Variants in CACNA2D3 observed in about 807,000 individuals in gnomAD.
CACNA2D3 encodes voltage-dependent calcium channel subunit alpha-2/delta-3.
Under a neutral mutation model 160.6 loss-of-function variants are expected in CACNA2D3, and 60 were observed. The observed-to-expected ratio is 0.37, with a 90% CI of 0.30 to 0.46. The LOEUF (loss-of-function observed/expected upper bound fraction) is 0.46. CACNA2D3 is among the 20% of genes least tolerant of loss of function. The probability of loss-of-function intolerance (pLI) is 1.00; values close to 1 mark genes in which losing one functional copy is unlikely to be tolerated. For missense variants in CACNA2D3, 1,205 were observed against 1,365.0 expected (o/e 0.88, Z 1.85); for synonymous variants, 558 against 492.9 (o/e 1.13, Z -1.75).
chr3:54,501,848 T>C (rs138733393), intron 4 of CACNA2D3, among the ~76,000 whole-genome samples: 3 of 152,348 alleles, frequency 2.0e-5, no homozygotes, highest in Non-Finnish European at 4.4e-5. Context: ...TTTGTTTGCC[T>C]GAGAAGGTCT....
chr3:54,520,325 G>A (rs909501667), intron 5 of CACNA2D3, among the ~76,000 whole-genome samples: 2 of 152,196 alleles, frequency 1.3e-5, no homozygotes, highest in African/African-American at 4.8e-5. Flanking sequence ...AGCAGTGGGA[G>A]GCTGGCTTTA....
intron 27 of CACNA2D3, among the ~76,000 whole-genome samples, chr3:54,968,101 C>G (rs1267263652): frequency 6.6e-6 from 1 of 151,920 alleles, no homozygotes; most frequent in Non-Finnish European, 1.5e-5. Flanking sequence ...GGAACTGAAG[C>G]AATAGTGATC....
At chr3:54,296,427 A>G (rs1180860309) in intron 2 of CACNA2D3, among the ~76,000 whole-genome samples, 1 of 152,120 alleles carries the variant, frequency 6.6e-6, no homozygotes, top group Non-Finnish European at 1.5e-5. Flanking sequence ...TCTGTTGGAG[A>G]AGGAAACTTA....
intron 9 of CACNA2D3, among the ~76,000 whole-genome samples, chr3:54,584,740 A>G (rs1702731738): frequency 6.6e-6 from 1 of 152,216 alleles, no homozygotes; most frequent in Non-Finnish European, 1.5e-5. Flanking sequence ...CATCATAAAT[A>G]TAATTAGACA....
chr3:54,311,891 G>A (rs1021143703), intron 2 of CACNA2D3, among the ~76,000 whole-genome samples: 3 of 152,058 alleles, frequency 2.0e-5, no homozygotes, highest in African/African-American at 7.2e-5. Flanking sequence ...TAAATGATTG[G>A]GTTAATGAAT....
chr3:54,561,086 A>T (rs777433432), intron 5 of CACNA2D3, among the ~76,000 whole-genome samples: 52 of 152,328 alleles, frequency 3.4e-4, no homozygotes, highest in Non-Finnish European at 6.5e-4. Context: ...ATATGAATTT[A>T]AAAATAGTTT....
At chr3:54,601,567 C>T (rs767402382) in intron 9 of CACNA2D3, among the ~76,000 whole-genome samples, 1 of 152,100 alleles carries the variant, frequency 6.6e-6, no homozygotes, top group Non-Finnish European at 1.5e-5. Flanking sequence ...CAGAACCTCT[C>T]AGCCTGGAGG....
intron 11 of CACNA2D3, among the ~76,000 whole-genome samples, chr3:54,748,349 C>T (rs1358833010): frequency 6.6e-6 from 1 of 152,100 alleles, no homozygotes; most frequent in Non-Finnish European, 1.5e-5. Flanking sequence ...GGGATTGCTT[C>T]TATGTGAGTA....
chr3:54,932,367 G>A (rs1255014634), intron 27 of CACNA2D3, among the ~76,000 whole-genome samples: 1 of 152,126 alleles, frequency 6.6e-6, no homozygotes, highest in Non-Finnish European at 1.5e-5. Flanking sequence ...TGGTTTGTCT[G>A]AAAATGGAAT....
intron 10 of CACNA2D3, among the ~76,000 whole-genome samples, chr3:54,628,508 A>T (rs1199223481): frequency 6.6e-6 from 1 of 152,214 alleles, no homozygotes; most frequent in Admixed American, 6.5e-5. Context: ...AGAGAACTAC[A>T]TGGTCTTGAA....
intron 12 of CACNA2D3, among the ~76,000 whole-genome samples, chr3:54,761,388 C>T (rs961255637): frequency 3.9e-5 from 6 of 152,206 alleles, no homozygotes; most frequent in South Asian, 2.1e-4. Flanking sequence ...GACCCCTTAA[C>T]GCAGAGCCCA....
At chr3:54,458,121 T>C (rs1195712963) in intron 4 of CACNA2D3, among the ~76,000 whole-genome samples, 2 of 152,078 alleles carry the variant, frequency 1.3e-5, no homozygotes, top group Non-Finnish European at 2.9e-5. Flanking sequence ...TGTCATTTTG[T>C]TAATTGGTTT....
At chr3:54,713,060 C>A (rs1397864156) in intron 11 of CACNA2D3, among the ~76,000 whole-genome samples, 1 of 152,194 alleles carries the variant, frequency 6.6e-6, no homozygotes, top group African/African-American at 2.4e-5. Flanking sequence ...GGTGAGAAGA[C>A]TCCTGTAATG....
In CACNA2D3 at chr3:54,125,707, C is replaced by T. The variant is rs145149462; in HGVS notation, c.204+2113C>T. On this transcript the variant is annotated intron_variant, in intron 2 of 37. Coordinates refer to ENST00000474759, the MANE Select transcript of CACNA2D3 (RefSeq NM_018398.3). ...TTTGGCTGTTTTGGTCCACTATCCCCGCAAATGCTTTTGTATTTTTAAAAT... is the reference window on the plus strand; with the variant it reads ...TTTGGCTGTTTTGGTCCACTATCCCTGCAAATGCTTTTGTATTTTTAAAAT... Among the ~76,000 whole-genome samples the T allele has an allele frequency of 2.3e-4, 35 of 152,238 alleles. No individual in the cohort carries two copies. In the East Asian group the frequency reaches 6.2e-3, roughly 27 times the overall value.
At chr3:54,812,168 G>T (rs562755510) in intron 13 of CACNA2D3, among the ~76,000 whole-genome samples, 3 of 152,226 alleles carry the variant, frequency 2.0e-5, no homozygotes, top group Admixed American at 1.3e-4. Flanking sequence ...GACACTATCT[G>T]GAAAAGCCAC....
intron 27 of CACNA2D3, among the ~76,000 whole-genome samples, chr3:54,945,894 G>A (rs1701600709): frequency 6.6e-6 from 1 of 152,158 alleles, no homozygotes; most frequent in Non-Finnish European, 1.5e-5. Context: ...AGGTAGGGTG[G>A]TGGATGGCGG....
chr3:54,991,170 C>T (rs1254193462), intron 31 of CACNA2D3, among the ~76,000 whole-genome samples: 1 of 151,698 alleles, frequency 6.6e-6, no homozygotes, highest in Non-Finnish European at 1.5e-5. Flanking sequence ...GCACAATTTG[C>T]AGGGCCCAGT....
chr3:54,964,868 C>T (rs1702110931), intron 27 of CACNA2D3, among the ~76,000 whole-genome samples: 1 of 151,568 alleles, frequency 6.6e-6, no homozygotes, highest in Admixed American at 6.6e-5. Context: ...TTTTCACGCT[C>T]AAGAAATAAT....
chr3:54,433,899 C>T (rs1700024305), intron 4 of CACNA2D3, among the ~76,000 whole-genome samples: 1 of 152,188 alleles, frequency 6.6e-6, no homozygotes, highest in Non-Finnish European at 1.5e-5. Flanking sequence ...ACTAATTATC[C>T]AACCCCCTGA....
Sources: allele counts gnomAD v4.1 joint callset (sites outside exome capture counted in the v4.1 genomes callset), GRCh38; gene constraint gnomAD v4.1.1; transcripts MANE v1.5; gene names NCBI Gene and HGNC (gene_info 2026-07-23, HGNC 2026-07-21).